The following MTSS1 variants were observed in gnomAD, a reference collection of about 807,000 sequenced individuals.
MTSS1 encodes the protein protein MTSS 1.
In MTSS1, 18 loss-of-function variants were observed where a neutral mutation model predicts 79.0. That is an observed-to-expected ratio of 0.23 (90% confidence interval 0.16 to 0.34). MTSS1 has a LOEUF of 0.34. MTSS1 is among the 10% of genes least tolerant of loss of function. The pLI is 1.00. For synonymous variants in MTSS1, 341 were observed against 368.6 expected (o/e 0.93, Z 0.86); for missense variants, 815 against 986.2 (o/e 0.83, Z 2.33).
intron 3 of MTSS1, among the ~76,000 whole-genome samples, chr8:124,600,524 G>C (rs940735491): frequency 6.6e-6 from 1 of 152,234 alleles, no homozygotes; most frequent in Non-Finnish European, 1.5e-5. Context: ...ATATTTTACA[G>C]AGAAAATAAG....
At chr8:124,591,130 G>C (rs1187347686) in intron 4 of MTSS1, 21 bp downstream of exon 4, 1 of 1,608,912 alleles carries the variant, frequency 6.2e-7, no homozygotes, top group Non-Finnish European at 8.5e-7. Flanking sequence ...TTGGCGATCG[G>C]GGCCAAAACA....
chr8:124,553,226 C>A lies in MTSS1; in HGVS notation c.2034G>T (p.Pro678=). Residue 678 remains proline (P), a synonymous_variant, in exon 14 of 14, where the codon CCG becomes CCT. Transcript: ENST00000518547. This position sits in a 1 kb window ranked among gnomAD's most constrained non-coding sequence, Gnocchi z 6.0. ...QASVNPPLPG[P]KPSIPEEHRQ... Reference sequence around the variant, plus strand: ...TGTGCTCCTCAGGGATACTGGGCTTCGGGCCTGGAAGTGGAGGGTTAACGG... The same window carrying A: ...TGTGCTCCTCAGGGATACTGGGCTTAGGGCCTGGAAGTGGAGGGTTAACGG... 1.2e-6 allele frequency: 2 copies of A among 1,614,082 alleles called. No homozygotes were observed. Among genetic ancestry groups the A allele is most frequent in the Non-Finnish European group, 1.7e-6 (2 of 1,180,024 alleles).
At chr8:124,675,533 A>C (rs889916612) in intron 3 of MTSS1, among the ~76,000 whole-genome samples, 2 of 152,230 alleles carry the variant, frequency 1.3e-5, no homozygotes, top group Non-Finnish European at 2.9e-5. Context: ...AATCACTTTG[A>C]AGTGAACGAT....
Position 124,727,566 on chromosome 8 carries a change from G to A in MTSS1, c.72+318C>T, listed in dbSNP as rs1184478196. 1 of 523,852 alleles carries A rather than the reference G, an allele frequency of 1.9e-6. No individual in the cohort carries two copies. The highest frequency in any genetic ancestry group is 3.7e-6 in the Non-Finnish European group (1 of 271,350). 32.5% of individuals were successfully genotyped at this position (523,852 alleles called of 1,614,324 possible). On this transcript the variant is annotated intron_variant, in intron 1 of 13. Coordinates refer to ENST00000518547, the MANE Select transcript of MTSS1 (RefSeq NM_014751.6). This position sits in a 1 kb window ranked among gnomAD's most constrained non-coding sequence, Gnocchi z 4.7. ...CGCGGGTCCCAGACACTTACTTCAG[G>A]GACAGACAATGGGAAAACTTGCAGC...
At chr8:124,703,356 A>T (rs1336546340) in intron 2 of MTSS1, among the ~76,000 whole-genome samples, 1 of 152,210 alleles carries the variant, frequency 6.6e-6, no homozygotes, top group African/African-American at 2.4e-5. Flanking sequence ...GCAATGGCAC[A>T]ATCTCGGCTC....
In MTSS1 at chr8:124,552,770, G is replaced by A. The variant is rs890079029; in HGVS notation, c.*222C>T. ...AAAAGGGAAACTAAGATTAAAATGT[G>A]CAGAAAGAAAATTGTCAATATTTAC... On this transcript the variant is annotated 3_prime_UTR_variant, in exon 14 of 14. Coordinates refer to ENST00000518547, the MANE Select transcript of MTSS1 (RefSeq NM_014751.6). 8.3e-6 allele frequency: 4 copies of A among 480,496 alleles called. No individual in the cohort carries two copies. The highest frequency in any genetic ancestry group is 1.4e-5 in the Non-Finnish European group (4 of 276,108). The allele number at this position is 480,496 out of a possible 1,614,324, so 29.8% of individuals were successfully genotyped here. A position where few individuals can be genotyped will look rare whatever the true frequency, so the allele number is the denominator to read the frequency against.
chr8:124,576,681 G>C (rs1006420846), intron 6 of MTSS1, among the ~76,000 whole-genome samples: 15 of 152,318 alleles, frequency 9.8e-5, no homozygotes, highest in African/African-American at 3.6e-4. Context: ...AATGGCACCA[G>C]GCGTGAATCA....
At chr8:124,601,554 G>T (rs1833817049) in intron 3 of MTSS1, among the ~76,000 whole-genome samples, 1 of 152,134 alleles carries the variant, frequency 6.6e-6, no homozygotes, top group South Asian at 2.1e-4. Context: ...CACTATATGA[G>T]AAAATAGTCT....
rs543024377 is a variant in MTSS1, at chr8:124,648,790, C to A, written c.208+50736G>T. 3.6e-4 allele frequency among the ~76,000 whole-genome samples: 55 copies of A among 151,612 alleles called. 1 individual carries two copies. The South Asian group carries it at 9.6e-3, about 26-fold the overall frequency. ...TGAGAATCCAAGGCCATGGGGACTG[C>A]TGTGAGATGGACACCACAAGGCCAT... On this transcript the variant is annotated intron_variant, in intron 3 of 13. Transcript: ENST00000518547.
chr8:124,590,888 C>T (rs1311494639), intron 4 of MTSS1, among the ~76,000 whole-genome samples: 1 of 152,226 alleles, frequency 6.6e-6, no homozygotes, highest in Non-Finnish European at 1.5e-5. Context: ...GCACCGGCTC[C>T]TTGCACAGAC....
chr8:124,669,032 G>A (rs566366954), intron 3 of MTSS1, among the ~76,000 whole-genome samples: 47 of 152,320 alleles, frequency 3.1e-4, no homozygotes, highest in Middle Eastern at 3.4e-3. Context: ...AAAGCAGGTT[G>A]ATTGCCACTG....
At chr8:124,685,485 C>T (rs567676830) in intron 3 of MTSS1, among the ~76,000 whole-genome samples, 4 of 152,278 alleles carry the variant, frequency 2.6e-5, no homozygotes, top group East Asian at 1.9e-4. Context: ...GAGCTCTCAG[C>T]GGGGATCCTA....
At chr8:124,648,072 C>T (rs144779012) in intron 3 of MTSS1, among the ~76,000 whole-genome samples, 112 of 152,272 alleles carry the variant, frequency 7.4e-4, no homozygotes, top group African/African-American at 2.6e-3. Context: ...TGGGCATGGA[C>T]CATCAGCTTC....
chr8:124,599,593 A>C (rs1833418819), intron 3 of MTSS1, among the ~76,000 whole-genome samples: 1 of 152,126 alleles, frequency 6.6e-6, no homozygotes, highest in Admixed American at 6.6e-5. Flanking sequence ...ACACACACCA[A>C]ATATAACAAA....
intron 3 of MTSS1, among the ~76,000 whole-genome samples, chr8:124,640,967 G>C (rs11778543): frequency 0.18 from 27,844 of 151,462 alleles, 2,833 homozygotes; most frequent in African/African-American, 0.28. Flanking sequence ...ACATAACTTA[G>C]TTTTCAAAAA....
At chr8:124,685,353 G>A (rs1826784633) in intron 3 of MTSS1, among the ~76,000 whole-genome samples, 1 of 152,218 alleles carries the variant, frequency 6.6e-6, no homozygotes, top group Non-Finnish European at 1.5e-5. Context: ...AAAGGAGCCT[G>A]GATGCAGTGA....
At chr8:124,716,095 G>C (rs1831925229) in intron 1 of MTSS1, among the ~76,000 whole-genome samples, 1 of 152,224 alleles carries the variant, frequency 6.6e-6, no homozygotes, top group South Asian at 2.1e-4. Context: ...GCCATAGACA[G>C]AAAGAGACCA....
intron 3 of MTSS1, among the ~76,000 whole-genome samples, chr8:124,604,998 T>C (rs765068909): frequency 3.3e-5 from 5 of 152,162 alleles, no homozygotes; most frequent in Non-Finnish European, 7.3e-5. Context: ...AATGGTAATA[T>C]GGAAACACAA....
At chr8:124,640,275 GTTGTTCGA>G (rs1432534624) in intron 3 of MTSS1, among the ~76,000 whole-genome samples, 1 of 152,212 alleles carries the variant, frequency 6.6e-6, no homozygotes, top group African/African-American at 2.4e-5. Context: ...TGATGTGATG[GTTGTTCGA>G]TTATTTTAAA....
Sources: allele counts gnomAD v4.1 joint callset (sites outside exome capture counted in the v4.1 genomes callset), GRCh38; gene constraint gnomAD v4.1.1; non-coding constraint Gnocchi (gnomAD v3.1); transcripts MANE v1.5; gene names NCBI Gene and HGNC (gene_info 2026-07-23, HGNC 2026-07-21).